The following CCDC175 variants were observed in gnomAD, a reference collection of about 807,000 sequenced individuals.
CCDC175 encodes the protein coiled-coil domain containing 175, also known as coiled-coil domain-containing protein 175.
In CCDC175, 100 loss-of-function variants were observed where a neutral mutation model predicts 114.6. That is an observed-to-expected ratio of 0.87 (90% CI 0.74 to 1.03). The LOEUF is 1.03. Among genes scored for constraint, CCDC175 ranks in the 50% least tolerant of loss-of-function variants. The probability of loss-of-function intolerance (pLI) is 0.00; values close to 1 mark genes in which losing one functional copy is unlikely to be tolerated. For missense variants in CCDC175, 880 were observed against 917.8 expected, an observed-to-expected ratio of 0.96 and a Z score of 0.53; for synonymous variants, 306 against 308.7, an observed-to-expected ratio of 0.99 and a Z score of 0.09.
chr14:59,551,897 G>T (rs1419608019), intron 7 of CCDC175, among the ~76,000 whole-genome samples: 1 of 152,222 alleles, frequency 6.6e-6, no homozygotes, highest in Non-Finnish European at 1.5e-5. Flanking sequence ...AGATCCAACT[G>T]CAAGGCAGCA....
intron 16 of CCDC175, among the ~76,000 whole-genome samples, chr14:59,522,262 G>C (rs1372225626): frequency 6.6e-6 from 1 of 152,070 alleles, no homozygotes; most frequent in Non-Finnish European, 1.5e-5. Flanking sequence ...ACATAAAACT[G>C]GTCCAGTTTC....
intron 11 of CCDC175, among the ~76,000 whole-genome samples, chr14:59,540,142 T>C (rs1894680919): frequency 6.6e-6 from 1 of 152,216 alleles, no homozygotes. Context: ...CAAGAGCTTT[T>C]TAGCTGCACT....
chr14:59,572,727 G>A lies in CCDC175; in HGVS notation c.330C>T (p.Pro110=), dbSNP rs1177204057. The A allele has an allele frequency of 1.3e-6, 2 of 1,508,880 alleles. No homozygotes were observed. The highest frequency in any genetic ancestry group is 2.3e-5 in the Admixed American group (1 of 42,980). The allele number at this position is 1,508,880 out of a possible 1,614,324, so 93.5% of individuals were successfully genotyped here. The change falls in exon 3 of 20, where the codon CCC becomes CCT. Residue 110 remains proline, a synonymous_variant. Transcript: ENST00000537690. ...NKLYYLLETL[P]NSIKRELEEC... is the part of the protein sequence containing the mutation. Reference sequence around the variant, plus strand: ...CTTCCAATTCCCTCTTAATGCTATTGGGAAGAGTTTCCAATAGATAGTATA... The same window carrying A: ...CTTCCAATTCCCTCTTAATGCTATTAGGAAGAGTTTCCAATAGATAGTATA...
intron 19 of CCDC175, among the ~76,000 whole-genome samples, chr14:59,506,525 T>C (rs1455327107): frequency 6.6e-6 from 1 of 152,112 alleles, no homozygotes; most frequent in Non-Finnish European, 1.5e-5. Flanking sequence ...TGACCTCAAG[T>C]GATCTGCTCA....
intron 14 of CCDC175, among the ~76,000 whole-genome samples, 154 bp from the exon 15 acceptor site, chr14:59,527,328 G>A (rs1893807703): frequency 6.6e-6 from 1 of 152,110 alleles, no homozygotes; most frequent in Admixed American, 6.5e-5. Flanking sequence ...ACTCCTGTCT[G>A]ACTCCTCAGA....
Position 59,525,523 on chromosome 14 carries a change from A to G in CCDC175, c.1843-89T>C. 3.4e-6 allele frequency: 3 copies of G among 892,634 alleles called. No homozygotes were observed. The South Asian group carries it at 5.6e-5, about 17-fold the overall frequency. The allele number at this position is 892,634 out of a possible 1,614,324, so 55.3% of individuals were successfully genotyped here. ...CTGCCTAGGTCACATTTGGAGCCAG[A>G]TTCTAAATTAATTTCTGAAGTATCC... On this transcript the variant is annotated intron_variant, in intron 15 of 19. Transcript: ENST00000537690.
intron 17 of CCDC175, among the ~76,000 whole-genome samples, chr14:59,515,868 T>A (rs1893047160): frequency 6.6e-6 from 1 of 152,212 alleles, no homozygotes. Flanking sequence ...ATATACATTC[T>A]TCTCAGCACC....
Position 59,505,256 on chromosome 14 carries a change from T to A in CCDC175, c.2365A>T (p.Asn789Tyr). The A allele has an allele frequency of 1.3e-6, 2 of 1,498,834 alleles. No individual in the cohort carries two copies. Among genetic ancestry groups the A allele is most frequent in the Non-Finnish European group, 8.9e-7 (1 of 1,119,676 alleles). The allele number at this position is 1,498,834 out of a possible 1,614,324, so 92.8% of individuals were successfully genotyped here. Residue 789 changes from asparagine (N) to tyrosine (Y), a missense_variant, in exon 20 of 20, where the codon AAT becomes TAT. Asn to Tyr is a moderately radical substitution (Grantham distance 143). Transcript: ENST00000537690. ...TCCTTGAGTTACTTTGTTAATGTAT[T>A]TTTCTCAGTACATTTAACCACTGGG... Reference protein sequence around the residue: ...HFPVVKCTEKNTLTK With the variant: ...HFPVVKCTEKYTLTK
chr14:59,517,553 G>A (rs1377271097), intron 17 of CCDC175, among the ~76,000 whole-genome samples: 1 of 152,180 alleles, frequency 6.6e-6, no homozygotes, highest in African/African-American at 2.4e-5. Flanking sequence ...CAAATCGTGA[G>A]TGAACTCCCA....
chr14:59,506,220 C>G (rs993679107), intron 19 of CCDC175, among the ~76,000 whole-genome samples: 8 of 151,698 alleles, frequency 5.3e-5, no homozygotes, highest in Non-Finnish European at 1.0e-4. Flanking sequence ...AAAAATAATG[C>G]CTGGGCCCCA....
chr14:59,547,266 A>G (rs1895169323), intron 8 of CCDC175, among the ~76,000 whole-genome samples: 1 of 152,230 alleles, frequency 6.6e-6, no homozygotes, highest in Non-Finnish European at 1.5e-5. Flanking sequence ...TGCCATGTTA[A>G]CGGATTGGAA....
At chr14:59,560,635 C>T (rs1595067245) in intron 7 of CCDC175, among the ~76,000 whole-genome samples, 1 of 152,146 alleles carries the variant, frequency 6.6e-6, no homozygotes, top group South Asian at 2.1e-4. Context: ...CAGACTGAGG[C>T]TTTGGATGGA....
rs867157402 is a variant in CCDC175, at chr14:59,568,469, A to C, written c.356-89T>G. 135 of 1,011,146 alleles carry C rather than the reference A, an allele frequency of 1.3e-4. 1 individual carries two copies. The Middle Eastern group carries it at 3.1e-3, about 23-fold the overall frequency. The allele number at this position is 1,011,146 out of a possible 1,614,324, so 62.6% of individuals were successfully genotyped here. A position where few individuals can be genotyped will look rare whatever the true frequency, so the allele number is the denominator to read the frequency against. ...TTCACGCAAAAAAGCTTTCTTTGAA[A>C]TATTCTTTTAATAATGTTTTTTATC... is the stretch of plus-strand genomic sequence containing the variant. On this transcript the variant is annotated intron_variant, in intron 3 of 19. Coordinates refer to ENST00000537690, the MANE Select transcript of CCDC175 (RefSeq NM_001164399.2).
At chr14:59,520,513 G>C (rs1893366629) in intron 17 of CCDC175, among the ~76,000 whole-genome samples, 1 of 152,086 alleles carries the variant, frequency 6.6e-6, no homozygotes, top group African/African-American at 2.4e-5. Context: ...TTACCCAAGA[G>C]AAATGAAAAC....
intron 19 of CCDC175, among the ~76,000 whole-genome samples, chr14:59,507,542 A>AG (rs767018277): frequency 3.3e-5 from 5 of 152,202 alleles, no homozygotes; most frequent in Non-Finnish European, 1.5e-5. Flanking sequence ...AGGACAGTAG[A>AG]GGGGTGCTGA....
At chr14:59,539,848 C>T (rs922362716) in intron 11 of CCDC175, among the ~76,000 whole-genome samples, 4 of 151,982 alleles carry the variant, frequency 2.6e-5, no homozygotes, top group African/African-American at 9.7e-5. Flanking sequence ...TGTGGTGAGC[C>T]GAGATCACTC....
chr14:59,563,799 C>G lies in CCDC175; in HGVS notation c.781G>C (p.Glu261Gln), dbSNP rs374740483. ...KRMETYQKKK[E>Q]LDKLQTKMSK... is the part of the protein sequence containing the mutation. The stretch of plus-strand genomic sequence containing the variant: ...ATTTTAGTTTGTAATTTATCCAATT[C>G]TTTCTTCTTTTGATAAGTCTCCATT... The change falls in exon 6 of 20, where the codon GAA becomes CAA. Residue 261 changes from glutamate (E) to glutamine (Q), a missense_variant. Transcript: ENST00000537690. 64 of 1,435,496 alleles carry G rather than the reference C, an allele frequency of 4.5e-5. 4 individuals are homozygous for G. Among genetic ancestry groups the G allele is most frequent in the Admixed American group, 3.5e-4 (13 of 37,152 alleles). The allele number at this position is 1,435,496 out of a possible 1,614,324, so 88.9% of individuals were successfully genotyped here. A position where few individuals can be genotyped will look rare whatever the true frequency, so the allele number is the denominator to read the frequency against.
intron 8 of CCDC175, among the ~76,000 whole-genome samples, chr14:59,549,321 C>T (rs553007691): frequency 9.9e-5 from 15 of 152,148 alleles, no homozygotes; most frequent in East Asian, 5.8e-4. Flanking sequence ...CACAACCAGC[C>T]GAGGCAACAT....
At chr14:59,516,892 C>G (rs1317050289) in intron 17 of CCDC175, among the ~76,000 whole-genome samples, 2 of 152,114 alleles carry the variant, frequency 1.3e-5, no homozygotes, top group African/African-American at 4.8e-5. Context: ...ACCAATATCC[C>G]TGATGAACAT....
Sources: allele counts gnomAD v4.1 joint callset (sites outside exome capture counted in the v4.1 genomes callset), GRCh38; gene constraint gnomAD v4.1.1; transcripts MANE v1.5; gene names NCBI Gene and HGNC (gene_info 2026-07-23, HGNC 2026-07-21).